SPNS2: variants seen among roughly 807,000 people sequenced by gnomAD.
SPNS2 encodes sphingosine-1-phosphate transporter SPNS2.
Under a neutral mutation model 57.6 loss-of-function variants are expected in SPNS2, and 37 were observed. That is an observed-to-expected ratio of 0.64 (90% CI 0.49 to 0.85). The LOEUF is 0.85. Ranked by LOEUF, SPNS2 falls within the 40% of genes least tolerant of loss-of-function variation. The pLI is 0.00. For missense variants in SPNS2, 831 were observed against 779.1 expected (o/e 1.07, Z -0.79); for synonymous variants, 440 against 346.9 (o/e 1.27, Z -2.98).
intron 1 of SPNS2, among the ~76,000 whole-genome samples, chr17:4,509,252 G>A (rs544932206): frequency 8.9e-4 from 136 of 152,256 alleles, no homozygotes; most frequent in Middle Eastern, 3.4e-3. Context: ...AAGGAGGTGA[G>A]AATATTGACT....
intron 1 of SPNS2, among the ~76,000 whole-genome samples, chr17:4,501,016 C>A (rs1904489245): frequency 6.6e-6 from 1 of 152,214 alleles, no homozygotes; most frequent in African/African-American, 2.4e-5. Flanking sequence ...AAGCGCCATC[C>A]TTTGGGGGAG....
intron 3 of SPNS2, among the ~76,000 whole-genome samples, chr17:4,526,467 G>A (rs1018194786): frequency 6.6e-6 from 1 of 152,102 alleles, no homozygotes; most frequent in African/African-American, 2.4e-5. Context: ...GCCAGGCATG[G>A]TGGTGCATGC....
At position 4,537,703 on chromosome 17, in the gene SPNS2, C is replaced by G. The variant is rs1042027363; in HGVS notation, c.*255C>G. ...CAGCCCTAGGTTTGGGCCGCAGGGC[C>G]CCTGGGGCCAAGGAAGAAGACAGCC... On this transcript the variant is annotated 3_prime_UTR_variant, in exon 13 of 13. Transcript: ENST00000329078. 1 of 456,654 alleles carries G rather than the reference C, an allele frequency of 2.2e-6. No homozygotes were observed. The highest frequency in any genetic ancestry group is 2.3e-5 in the Admixed American group (1 of 42,576). The allele number at this position is 456,654 out of a possible 1,614,324, so 28.3% of individuals were successfully genotyped here. A position where few individuals can be genotyped will look rare whatever the true frequency, so the allele number is the denominator to read the frequency against.
intron 3 of SPNS2, among the ~76,000 whole-genome samples, chr17:4,530,082 A>T (rs998612193): frequency 1.1e-4 from 16 of 152,102 alleles, no homozygotes; most frequent in African/African-American, 3.6e-4. Flanking sequence ...ACCCTTCCCC[A>T]CTCAGCTGGG....
Position 4,500,576 on chromosome 17 carries a change from A to G in SPNS2, c.370+1159A>G, listed in dbSNP as rs191679196. 4.2e-3 allele frequency among the ~76,000 whole-genome samples: 627 copies of G among 147,698 alleles called. 4 individuals are homozygous for G. Among genetic ancestry groups the G allele is most frequent in the African/African-American group, 0.015 (600 of 40,566 alleles). Reference sequence around the variant, plus strand: ...CTATAGCTTAGTAAAATCTGGAGCTATCAAACACACACACAACAGAGAGAG... The same window carrying G: ...CTATAGCTTAGTAAAATCTGGAGCTGTCAAACACACACACAACAGAGAGAG... On this transcript the variant is annotated intron_variant, in intron 1 of 12. Transcript: ENST00000329078.
Position 4,499,142 on chromosome 17 carries a change from G to C in SPNS2, c.95G>C (p.Arg32Pro). 8.5e-7 allele frequency: 1 copy of C among 1,176,964 alleles called. No individual in the cohort carries two copies. The highest frequency in any genetic ancestry group is 1.0e-6 in the Non-Finnish European group (1 of 952,706). 72.9% of individuals were successfully genotyped at this position (1,176,964 alleles called of 1,614,324 possible). ...CGGCGCCGGCGCCGGGGGGCGCAGC[G>C]AGGGGCTGGCGGTAGCGGTTGCTGC... ...ERRRRRRGAQ[R>P]GAGGSGCCGA... Residue 32 changes from arginine (R) to proline (P), a missense_variant, in exon 1 of 13, where the codon CGA (arginine) becomes CCA (proline). Transcript: ENST00000329078. The surrounding 1 kb of genome is among the most constrained non-coding windows in gnomAD (Gnocchi z 5.2).
intron 3 of SPNS2, 135 bp from the exon 4 acceptor site, chr17:4,530,497 G>C (rs1293904407): frequency 3.8e-6 from 4 of 1,051,724 alleles, no homozygotes; most frequent in Non-Finnish European, 4.2e-6. Flanking sequence ...TTACGGAGGT[G>C]CAGCCCACCA....
chr17:4,533,809 A>T lies in SPNS2; in HGVS notation c.1300A>T (p.Thr434Ser). The T allele has an allele frequency of 6.2e-7, 1 of 1,613,494 alleles. No individual in the cohort carries two copies. Among genetic ancestry groups the T allele is most frequent in the Non-Finnish European group, 8.5e-7 (1 of 1,179,978 alleles). ...GCAGATCTGTATCTTCGTCGGGGAGACGCTGCTGTTTTCTAACTGGGCCAT... is the reference window on the plus strand; with the variant it reads ...GCAGATCTGTATCTTCGTCGGGGAGTCGCTGCTGTTTTCTAACTGGGCCAT... Reference protein sequence around the residue: ...GAYICIFVGETLLFSNWAITA... With the variant: ...GAYICIFVGESLLFSNWAITA... The change falls in exon 9 of 13, where the codon ACG becomes TCG. Residue 434 changes from threonine to serine, a missense_variant. By Grantham distance (58) the Thr-to-Ser change is moderately conservative. This residue lies in a region of SPNS2 where 526 missense variants were observed against 400.9 expected (regional missense o/e 1.31). Transcript: ENST00000329078.
chr17:4,525,432 G>T (rs905455825), intron 3 of SPNS2, among the ~76,000 whole-genome samples: 2 of 152,208 alleles, frequency 1.3e-5, no homozygotes, highest in Admixed American at 1.3e-4. Context: ...GTGGCCTCCT[G>T]ACTCTTTCTG....
At chr17:4,525,662 C>T (rs1905247091) in intron 3 of SPNS2, among the ~76,000 whole-genome samples, 2 of 152,230 alleles carry the variant, frequency 1.3e-5, no homozygotes, top group African/African-American at 4.8e-5. Flanking sequence ...AAACAAGAGT[C>T]TTCTCATTTA....
chr17:4,532,770 CCCTCAGCCAGACACCCCA>C (rs1905552403), intron 6 of SPNS2, 86 bp downstream of exon 6: 2 of 1,521,662 alleles, frequency 1.3e-6, no homozygotes, highest in East Asian at 4.6e-5. Flanking sequence ...CCCACTAGCA[CCCTCAGCCAGACACCCCA>C]CCTCTGCTGT....
Position 4,499,250 on chromosome 17 carries a change from C to T in SPNS2, c.203C>T (p.Pro68Leu), listed in dbSNP as rs1467527967. Residue 68 changes from proline to leucine, a missense_variant, in exon 1 of 13, where the codon CCG (proline) becomes CTG (leucine). Physicochemically the swap from Pro to Leu is moderately conservative, Grantham distance 98. This residue lies in a region of SPNS2 where 305 missense variants were observed against 378.3 expected (regional missense o/e 0.81). Coordinates refer to ENST00000329078, the MANE Select transcript of SPNS2 (RefSeq NM_001124758.3). This position sits in a 1 kb window ranked among gnomAD's most constrained non-coding sequence, Gnocchi z 5.2. ...QTLSGSVRRA[P>L]TGPPGTPGTP... is the part of the protein sequence containing the mutation. ...CTGTCGGGCAGCGTAAGGCGGGCCC[C>T]GACCGGACCCCCCGGCACCCCCGGC... is the stretch of plus-strand genomic sequence containing the variant. 5 of 1,470,996 alleles carry T rather than the reference C, an allele frequency of 3.4e-6. No individual in the cohort carries two copies. Among genetic ancestry groups the T allele is most frequent in the Non-Finnish European group, 4.5e-6 (5 of 1,118,522 alleles). 91.1% of individuals were successfully genotyped at this position (1,470,996 alleles called of 1,614,324 possible).
intron 2 of SPNS2, 49 bp from the exon 3 acceptor site, chr17:4,525,008 C>T (rs1231508953): frequency 6.3e-7 from 1 of 1,596,454 alleles, no homozygotes; most frequent in Non-Finnish European, 8.6e-7. Flanking sequence ...GGCCGGGAGG[C>T]CGGGGCGCAG....
chr17:4,509,670 G>C (rs964844688), intron 1 of SPNS2, among the ~76,000 whole-genome samples: 8 of 152,254 alleles, frequency 5.3e-5, no homozygotes, highest in African/African-American at 1.9e-4. Context: ...CCCAGAGTAG[G>C]GGACGTTGGC....
chr17:4,538,931 A>C lies in SPNS2; in HGVS notation c.*1483A>C. The C allele has an allele frequency of 5.1e-6, 4 of 783,054 alleles. No homozygotes were observed. Among genetic ancestry groups the C allele is most frequent in the Non-Finnish European group, 9.5e-6 (4 of 419,930 alleles). The allele number at this position is 783,054 out of a possible 1,614,324, so 48.5% of individuals were successfully genotyped here. ...GCCTCCTCTTCCTTCCGGAAGCCAA[A>C]CTGCTCCTTTATTTTTTAGAGCTGC... On this transcript the variant is annotated 3_prime_UTR_variant, in exon 13 of 13. Coordinates refer to ENST00000329078, the MANE Select transcript of SPNS2 (RefSeq NM_001124758.3).
rs61751931 is a variant in SPNS2, at chr17:4,525,034, C to G, written c.437-23C>G. The G allele has an allele frequency of 4.3e-5, 69 of 1,609,864 alleles. No homozygotes were observed. The South Asian group carries it at 6.2e-4, about 14-fold the overall frequency. ...CGGGGCGCAGGGACCTGGGCCCCCC[C>G]TCAAGCTCTCCTCTCCCTGCAGTGT... On this transcript the variant is annotated intron_variant, in intron 2 of 12. Coordinates refer to ENST00000329078, the MANE Select transcript of SPNS2 (RefSeq NM_001124758.3).
chr17:4,511,589 C>T lies in SPNS2; in HGVS notation c.371-1658C>T, dbSNP rs1344524192. On this transcript the variant is annotated intron_variant, in intron 1 of 12. Transcript: ENST00000329078. The surrounding 1 kb of genome is among the most constrained non-coding windows in gnomAD (Gnocchi z 4.6). ...GGCTGGGTCAGGGCACCTCAGAGGT[C>T]CCTCTTGCTGGCTCTGCCATCCACA... Among the ~76,000 whole-genome samples, 1 of 152,168 alleles carries T rather than the reference C, an allele frequency of 6.6e-6. No individual in the cohort carries two copies. Among genetic ancestry groups the T allele is most frequent in the Non-Finnish European group, 1.5e-5 (1 of 68,040 alleles).
chr17:4,533,627 G>C, intron 8 of SPNS2, 161 bp from the exon 9 acceptor site: 1 of 1,036,448 alleles, frequency 9.6e-7, no homozygotes, highest in Non-Finnish European at 1.4e-6. Flanking sequence ...AGGGCCGTGG[G>C]CATGGCTTGA....
chr17:4,520,842 G>A (rs1220310413), intron 2 of SPNS2, among the ~76,000 whole-genome samples: 1 of 152,146 alleles, frequency 6.6e-6, no homozygotes, highest in Admixed American at 6.6e-5. Flanking sequence ...GTAAAATGAA[G>A]AGAACAGAAT....
Sources: gnomAD v4.1 joint callset for allele counts (sites outside exome capture counted in the v4.1 genomes callset) on GRCh38, gnomAD v4.1.1 for gene constraint, gnomAD v4.1.1 regional missense constraint, Gnocchi (gnomAD v3.1) non-coding constraint, MANE v1.5 for transcripts, NCBI Gene and HGNC (gene_info 2026-07-23, HGNC 2026-07-21) for gene names.